Variants in PAN3 observed in about 807,000 individuals in gnomAD.
PAN3 encodes the protein PAN2-PAN3 deadenylation complex subunit PAN3.
In PAN3, 19 loss-of-function variants were observed where a neutral mutation model predicts 96.2. The ratio of observed to expected loss-of-function variants is 0.20; its 90% CI spans 0.14 to 0.29. The LOEUF (loss-of-function observed/expected upper bound fraction) is 0.29, where lower values mean the gene tolerates loss of function less well. PAN3 is among the 10% of genes least tolerant of loss of function. The probability of loss-of-function intolerance (pLI) is 1.00; values close to 1 mark genes in which losing one functional copy is unlikely to be tolerated. For missense variants in PAN3, 882 were observed against 1,108.1 expected, an observed-to-expected ratio of 0.80 and a Z score of 2.90; for synonymous variants, 433 against 406.6, an observed-to-expected ratio of 1.06 and a Z score of -0.78.
At chr13:28,253,053 G>C (rs1884867226) in intron 6 of PAN3, among the ~76,000 whole-genome samples, 1 of 152,090 alleles carries the variant, frequency 6.6e-6, no homozygotes, top group African/African-American at 2.4e-5. Context: ...CAGTGTATCT[G>C]ATGTACCTCA....
intron 4 of PAN3, among the ~76,000 whole-genome samples, chr13:28,179,892 A>G (rs773897233): frequency 6.6e-6 from 1 of 152,160 alleles, no homozygotes; most frequent in Non-Finnish European, 1.5e-5. Context: ...AAAAATTATT[A>G]GAAATTGAGA....
intron 17 of PAN3, among the ~76,000 whole-genome samples, chr13:28,282,333 AGG>A (rs1435095163): frequency 7.3e-6 from 1 of 137,102 alleles, no homozygotes; most frequent in Admixed American, 6.8e-5. Flanking sequence ...CTATTACTTG[AGG>A]GGTTGTTTTT....
intron 1 of PAN3, among the ~76,000 whole-genome samples, chr13:28,173,822 A>G (rs1309212617): frequency 3.3e-5 from 5 of 151,988 alleles, no homozygotes; most frequent in African/African-American, 1.2e-4. Flanking sequence ...ACCTCTGCAG[A>G]TTTTTTTCCC....
rs868750932 is a variant in PAN3, at chr13:28,265,731, T to G, written c.1412-984T>G. On this transcript the variant is annotated intron_variant, in intron 9 of 18. Coordinates refer to ENST00000380958, the MANE Select transcript of PAN3 (RefSeq NM_175854.8). ...TTTTGTTTATAGGGTTTTTTTTTTT[T>G]TTTTTTTTTTTTTGAGACGGAGTCT... Among the ~76,000 whole-genome samples, 11 of 1,948 alleles carry G rather than the reference T, an allele frequency of 5.6e-3. 4 individuals are homozygous for G. Among genetic ancestry groups the G allele is most frequent in the African/African-American group, 0.045 (5 of 110 alleles). The allele number at this position is 1,948 out of a possible 152,430, so 1.3% of individuals were successfully genotyped here. A position where few individuals can be genotyped will look rare whatever the true frequency, so the allele number is the denominator to read the frequency against.
intron 1 of PAN3, among the ~76,000 whole-genome samples, chr13:28,159,498 A>C (rs1872643818): frequency 6.6e-6 from 1 of 152,194 alleles, no homozygotes; most frequent in Admixed American, 6.5e-5. Context: ...CCCAGGCTGG[A>C]GTGCAATGGC....
chr13:28,141,033 C>T (rs1420354372), intron 1 of PAN3, among the ~76,000 whole-genome samples: 1 of 123,030 alleles, frequency 8.1e-6, no homozygotes, highest in Non-Finnish European at 1.6e-5. Context: ...GAGACGGAGG[C>T]TTGCTTGTCG....
chr13:28,197,461 A>ATTCTG, intron 5 of PAN3, 115 bp downstream of exon 5: 1 of 979,028 alleles, frequency 1.0e-6, no homozygotes, highest in Non-Finnish European at 1.4e-6. Flanking sequence ...ATACTTAGGT[A>ATTCTG]ATTAAAAAAA....
At chr13:28,206,024 C>A (rs937941885) in intron 5 of PAN3, among the ~76,000 whole-genome samples, 56 of 151,878 alleles carry the variant, frequency 3.7e-4, no homozygotes, top group African/African-American at 1.3e-3. Context: ...CTTCATGTGT[C>A]TCTTCAATAT....
chr13:28,139,283 C>T (rs1462255189), intron 1 of PAN3, among the ~76,000 whole-genome samples, 196 bp downstream of exon 1: 2 of 120,020 alleles, frequency 1.7e-5, no homozygotes, highest in African/African-American at 3.1e-5. Flanking sequence ...TTCGGCAAGT[C>T]GGAGAGCGCG....
At chr13:28,198,718 A>G (rs1281724677) in intron 5 of PAN3, among the ~76,000 whole-genome samples, 1 of 152,228 alleles carries the variant, frequency 6.6e-6, no homozygotes, top group East Asian at 1.9e-4. Context: ...CCAAACTTGC[A>G]TTTAAAATAT....
chr13:28,194,997 C>T (rs1426453655), intron 4 of PAN3, among the ~76,000 whole-genome samples: 1 of 152,102 alleles, frequency 6.6e-6, no homozygotes, highest in African/African-American at 2.4e-5. Context: ...AAATTTCCCT[C>T]TATGGCTTTT....
At chr13:28,142,222 G>A (rs1348989568) in intron 1 of PAN3, among the ~76,000 whole-genome samples, 5 of 152,180 alleles carry the variant, frequency 3.3e-5, no homozygotes, top group African/African-American at 1.2e-4. Context: ...AAAAAAGGTT[G>A]TGTTGGTAAT....
chr13:28,184,382 G>A (rs1259249436), intron 4 of PAN3, among the ~76,000 whole-genome samples: 1 of 152,106 alleles, frequency 6.6e-6, no homozygotes, highest in Admixed American at 6.6e-5. Flanking sequence ...GAGAGATCAA[G>A]TAATTTGCAT....
intron 6 of PAN3, among the ~76,000 whole-genome samples, chr13:28,234,943 T>C (rs888108307): frequency 6.6e-6 from 1 of 152,202 alleles, no homozygotes; most frequent in Non-Finnish European, 1.5e-5. Flanking sequence ...TGGTCTACCC[T>C]TGCATTTCTT....
chr13:28,243,976 G>A (rs1288983214), intron 6 of PAN3, among the ~76,000 whole-genome samples: 3 of 152,164 alleles, frequency 2.0e-5, no homozygotes, highest in East Asian at 1.9e-4. Context: ...AGGAGCCACC[G>A]CACCTGGCCT....
intron 5 of PAN3, among the ~76,000 whole-genome samples, chr13:28,213,963 C>T (rs1435624405): frequency 6.6e-6 from 1 of 152,054 alleles, no homozygotes; most frequent in African/African-American, 2.4e-5. Context: ...AACTTGATCT[C>T]TTATACAGTG....
intron 6 of PAN3, among the ~76,000 whole-genome samples, chr13:28,224,443 T>A (rs1374075416): frequency 1.3e-5 from 2 of 152,186 alleles, no homozygotes; most frequent in Non-Finnish European, 2.9e-5. Context: ...TCCTTCTGCT[T>A]AATTATCATG....
At chr13:28,176,595 G>A (rs1293617497) in intron 3 of PAN3, 36 bp downstream of exon 3, 1 of 1,580,458 alleles carries the variant, frequency 6.3e-7, no homozygotes, top group Non-Finnish European at 8.7e-7. Flanking sequence ...GTGTGTCTGT[G>A]TATATATTTC....
intron 4 of PAN3, among the ~76,000 whole-genome samples, chr13:28,182,700 G>A (rs1200021749): frequency 3.3e-5 from 5 of 152,102 alleles, no homozygotes; most frequent in Admixed American, 3.3e-4. Flanking sequence ...TTTTTGAGGA[G>A]ATGTGGTTGC....
Sources: allele counts gnomAD v4.1 joint callset (sites outside exome capture counted in the v4.1 genomes callset), GRCh38; gene constraint gnomAD v4.1.1; transcripts MANE v1.5; gene names NCBI Gene and HGNC (gene_info 2026-07-23, HGNC 2026-07-21).